The following PDZRN4 variants were observed in gnomAD, a reference collection of about 807,000 sequenced individuals.
The protein encoded by PDZRN4 is PDZ domain containing ring finger 4, also known as PDZ domain-containing RING finger protein 4.
A neutral mutation model predicts 99.0 loss-of-function variants in PDZRN4; 70 were observed. The observed-to-expected ratio is 0.71, with a 90% CI of 0.58 to 0.86. The LOEUF (loss-of-function observed/expected upper bound fraction) is 0.86, where lower values mean the gene tolerates loss of function less well. PDZRN4 is among the 40% of genes least tolerant of loss of function. The probability of loss-of-function intolerance (pLI) is 0.00; values close to 1 mark genes in which losing one functional copy is unlikely to be tolerated. For synonymous variants in PDZRN4, 551 were observed against 501.6 expected (o/e 1.10, Z -1.32); for missense variants, 1,474 against 1,331.2 (o/e 1.11, Z -1.67).
chr12:41,359,555 G>A (rs972887702), intron 3 of PDZRN4, among the ~76,000 whole-genome samples: 4 of 151,940 alleles, frequency 2.6e-5, no homozygotes, highest in Non-Finnish European at 5.9e-5. Context: ...GAATCATGGG[G>A]CGGGGGGTTC....
chr12:41,195,578 G>GA (rs970736900), intron 3 of PDZRN4, among the ~76,000 whole-genome samples: 1 of 150,250 alleles, frequency 6.7e-6, no homozygotes, highest in African/African-American at 2.4e-5. Flanking sequence ...ACAAAATTTA[G>GA]AAAAAAAAGA....
intron 3 of PDZRN4, among the ~76,000 whole-genome samples, chr12:41,323,946 C>T (rs1166316307): frequency 6.6e-6 from 1 of 151,912 alleles, no homozygotes; most frequent in Non-Finnish European, 1.5e-5. Context: ...AGCTGTGTGG[C>T]TCTTAAACGT....
chr12:41,349,064 G>A (rs991621292), intron 3 of PDZRN4, among the ~76,000 whole-genome samples: 2 of 151,664 alleles, frequency 1.3e-5, no homozygotes, highest in Admixed American at 6.6e-5. Flanking sequence ...GATTACTAGG[G>A]TCATTTAAAT....
At chr12:41,456,395 C>G (rs1379764) in intron 3 of PDZRN4, among the ~76,000 whole-genome samples, 78,247 of 151,602 alleles carry the variant, frequency 0.52, 20,704 homozygotes, top group African/African-American at 0.65. Context: ...CCTACCTCAT[C>G]TTTAAGTTTT....
chr12:41,455,407 G>A (rs1952809966), intron 3 of PDZRN4, among the ~76,000 whole-genome samples: 1 of 152,026 alleles, frequency 6.6e-6, no homozygotes, highest in Admixed American at 6.6e-5. Context: ...TGAAATCTAG[G>A]TCATTGTATT....
intron 3 of PDZRN4, among the ~76,000 whole-genome samples, chr12:41,194,417 G>A (rs763721064): frequency 9.2e-5 from 14 of 152,034 alleles, no homozygotes; most frequent in Non-Finnish European, 1.8e-4. Context: ...GGAGCATCAC[G>A]TGAGCTTAGG....
intron 3 of PDZRN4, among the ~76,000 whole-genome samples, chr12:41,235,555 G>A (rs1380203623): frequency 6.6e-6 from 1 of 152,102 alleles, no homozygotes; most frequent in African/African-American, 2.4e-5. Flanking sequence ...GAGGATTTTG[G>A]GGAACTAGAC....
chr12:41,195,835 G>A (rs897847129), intron 3 of PDZRN4, among the ~76,000 whole-genome samples: 4 of 152,036 alleles, frequency 2.6e-5, no homozygotes, highest in African/African-American at 9.7e-5. Flanking sequence ...ATTACTTTCT[G>A]CATTATCTCA....
chr12:41,417,310 T>C (rs1952453342), intron 3 of PDZRN4, among the ~76,000 whole-genome samples: 1 of 152,230 alleles, frequency 6.6e-6, no homozygotes, highest in Non-Finnish European at 1.5e-5. Flanking sequence ...CAATGCCATC[T>C]TTGGCCAGAG....
Position 41,571,511 on chromosome 12 carries a change from A to T in PDZRN4, c.1585-853A>T, listed in dbSNP as rs144158016. On this transcript the variant is annotated intron_variant, in intron 9 of 9. Transcript: ENST00000402685. ...GGCAATCAGTGCTGTTCAAATTTTC[A>T]TGGGACTGAATTTTTATTCTCAATA... Among the ~76,000 whole-genome samples, 10 of 152,112 alleles carry T rather than the reference A, an allele frequency of 6.6e-5. No homozygotes were observed. In the East Asian group the frequency reaches 1.7e-3, roughly 26 times the overall value.
chr12:41,437,589 C>A, intron 3 of PDZRN4: 1 of 299,220 alleles, frequency 3.3e-6, no homozygotes, highest in African/African-American at 2.2e-5. Context: ...CTATGACACC[C>A]CTCCCTGCTA....
chr12:41,437,353 C>A (rs139773233), intron 3 of PDZRN4, among the ~76,000 whole-genome samples: 2 of 152,138 alleles, frequency 1.3e-5, no homozygotes, highest in East Asian at 3.9e-4. Context: ...CTTCTTGTTG[C>A]AGAGCATGGA....
chr12:41,365,192 GA>G (rs1951989924), intron 3 of PDZRN4, among the ~76,000 whole-genome samples: 1 of 152,038 alleles, frequency 6.6e-6, no homozygotes, highest in African/African-American at 2.4e-5. Flanking sequence ...AGATATTGGG[GA>G]TGGCTAAGAA....
chr12:41,300,108 A>G (rs1488596501), intron 3 of PDZRN4, among the ~76,000 whole-genome samples: 4 of 151,862 alleles, frequency 2.6e-5, no homozygotes, highest in African/African-American at 9.7e-5. Flanking sequence ...TGTCATCTTT[A>G]GGTATATATT....
At chr12:41,476,561 C>T (rs1953044659) in intron 3 of PDZRN4, among the ~76,000 whole-genome samples, 1 of 152,168 alleles carries the variant, frequency 6.6e-6, no homozygotes, top group African/African-American at 2.4e-5. Flanking sequence ...GCCTATAGAG[C>T]CTCCCCTTCC....
intron 3 of PDZRN4, among the ~76,000 whole-genome samples, chr12:41,419,552 T>A (rs1027682328): frequency 2.0e-5 from 3 of 152,174 alleles, no homozygotes; most frequent in African/African-American, 7.2e-5. Context: ...CCTAATGATC[T>A]TCTGGAAAGC....
chr12:41,214,633 G>C (rs924436568), intron 3 of PDZRN4, among the ~76,000 whole-genome samples: 13 of 151,770 alleles, frequency 8.6e-5, no homozygotes, highest in Admixed American at 6.6e-5. Context: ...ATGATTTTCT[G>C]CCTAGACTAA....
chr12:41,540,071 C>A (rs1938821464), intron 5 of PDZRN4, among the ~76,000 whole-genome samples: 1 of 152,228 alleles, frequency 6.6e-6, no homozygotes, highest in South Asian at 2.1e-4. Context: ...AGAATTTGTG[C>A]TATTAAATGA....
At chr12:41,250,964 G>T (rs1044855608) in intron 3 of PDZRN4, among the ~76,000 whole-genome samples, 1 of 152,146 alleles carries the variant, frequency 6.6e-6, no homozygotes, top group African/African-American at 2.4e-5. Context: ...ACTTTGACTG[G>T]ACCACAGCCA....
Sources: allele counts gnomAD v4.1 joint callset (sites outside exome capture counted in the v4.1 genomes callset), GRCh38; gene constraint gnomAD v4.1.1; transcripts MANE v1.5; gene names NCBI Gene and HGNC (gene_info 2026-07-23, HGNC 2026-07-21).